UGGT2: variants seen among roughly 807,000 people sequenced by gnomAD.
UGGT2 encodes UDP-glucose glycoprotein glucosyltransferase 2.
UGGT2 carries 180 observed loss-of-function variants against 192.1 expected under a neutral mutation model. The observed-to-expected ratio is 0.94, with a 90% CI of 0.83 to 1.06. The LOEUF is 1.06. Among genes scored for constraint, UGGT2 ranks in the 50% least tolerant of loss-of-function variants. The probability of loss-of-function intolerance (pLI) is 0.00; values close to 1 mark genes in which losing one functional copy is unlikely to be tolerated. For missense variants in UGGT2, 1,849 were observed against 1,795.7 expected (o/e 1.03, Z -0.54); for synonymous variants, 580 against 591.0 (o/e 0.98, Z 0.27).
At chr13:96,038,032 CT>C (rs1463951546) in intron 1 of UGGT2, among the ~76,000 whole-genome samples, 1 of 152,142 alleles carries the variant, frequency 6.6e-6, no homozygotes, top group Non-Finnish European at 1.5e-5. Context: ...AATAAAGGAC[CT>C]CCTACAATTT....
intron 18 of UGGT2, 21 bp from the exon 19 acceptor site, chr13:95,927,147 C>T (rs376569290): frequency 9.4e-6 from 15 of 1,604,246 alleles, no homozygotes; most frequent in South Asian, 2.2e-5. Flanking sequence ...TCAAATTAAA[C>T]GTTAAATATA....
intron 6 of UGGT2, 83 bp from the exon 7 acceptor site, chr13:95,996,218 T>A: frequency 7.7e-7 from 1 of 1,301,834 alleles, no homozygotes; most frequent in Non-Finnish European, 1.1e-6. Context: ...TTAGAAGAAC[T>A]TGGCCAGGTG....
intron 29 of UGGT2, among the ~76,000 whole-genome samples, chr13:95,867,910 A>G (rs1402142040): frequency 3.3e-5 from 5 of 152,210 alleles, no homozygotes; most frequent in African/African-American, 7.2e-5. Context: ...AAATGTGTCT[A>G]TGATGTCCAT....
chr13:95,984,026 G>C (rs1194000784), intron 9 of UGGT2, among the ~76,000 whole-genome samples, 162 bp from the exon 10 acceptor site: 1 of 152,102 alleles, frequency 6.6e-6, no homozygotes, highest in Admixed American at 6.6e-5. Flanking sequence ...GCTTTCATTT[G>C]ACAAAAGTAT....
At chr13:95,965,599 G>T (rs1254757376) in intron 12 of UGGT2, among the ~76,000 whole-genome samples, 2 of 126,272 alleles carry the variant, frequency 1.6e-5, no homozygotes, top group African/African-American at 5.9e-5. Flanking sequence ...TTGTGGGGTG[G>T]GGGGAGGGGG....
chr13:95,874,202 T>C (rs568293187), intron 29 of UGGT2, among the ~76,000 whole-genome samples: 1 of 152,284 alleles, frequency 6.6e-6, no homozygotes, highest in African/African-American at 2.4e-5. Context: ...AAAGGAGACA[T>C]GCAGTAGTAC....
At chr13:96,046,765 T>C (rs1170064193) in intron 1 of UGGT2, among the ~76,000 whole-genome samples, 5 of 152,214 alleles carry the variant, frequency 3.3e-5, no homozygotes, top group Admixed American at 3.3e-4. Context: ...GGGTCACTCC[T>C]ACCCTAATAC....
intron 25 of UGGT2, among the ~76,000 whole-genome samples, chr13:95,889,848 G>A (rs117839970): frequency 0.044 from 6,723 of 152,276 alleles, 216 homozygotes; most frequent in Middle Eastern, 0.092. Context: ...TCAGTGAGAA[G>A]TGATAGGACA....
chr13:95,812,711 C>A (rs1566534487), intron 38 of UGGT2, among the ~76,000 whole-genome samples: 1 of 151,852 alleles, frequency 6.6e-6, no homozygotes, highest in Non-Finnish European at 1.5e-5. Flanking sequence ...ATAGTGAGTT[C>A]TCATAAGATC....
At chr13:95,931,933 C>T (rs1027073956) in intron 17 of UGGT2, among the ~76,000 whole-genome samples, 9 of 152,166 alleles carry the variant, frequency 5.9e-5, no homozygotes, top group Non-Finnish European at 1.2e-4. Context: ...CCAGAGCGGA[C>T]GCCGAGGGCA....
chr13:96,004,782 A>G (rs1202535364), intron 5 of UGGT2, among the ~76,000 whole-genome samples: 2 of 152,154 alleles, frequency 1.3e-5, no homozygotes, highest in East Asian at 1.9e-4. Flanking sequence ...AAGGAAAAAT[A>G]ATTTTATAAG....
intron 36 of UGGT2, among the ~76,000 whole-genome samples, chr13:95,852,852 TGAGA>T (rs1011869131): frequency 2.6e-5 from 4 of 151,930 alleles, no homozygotes; most frequent in Admixed American, 1.3e-4. Context: ...GTCTTAAAGA[TGAGA>T]GAGAGAGACT....
intron 16 of UGGT2, among the ~76,000 whole-genome samples, chr13:95,939,465 T>C (rs1462427761): frequency 6.7e-5 from 10 of 148,866 alleles, no homozygotes; most frequent in African/African-American, 2.5e-4. Context: ...AAAATTTCTT[T>C]GAGTTGTTGC....
Position 95,877,329 on chromosome 13 carries a change from C to T in UGGT2, c.3423G>A (p.Trp1141Ter), listed in dbSNP as rs200544724. Reference sequence around the variant, plus strand: ...ATTTTCCTTGGTGTAACCTCAGTATCCAAGCACCTGGGTTTGCTTTTAATT... The same window carrying T: ...ATTTTCCTTGGTGTAACCTCAGTATTCAAGCACCTGGGTTTGCTTTTAATT... Reference protein sequence around the residue: ...YFQLKANPGAWILRLHQGKSE... With the variant: ...YFQLKANPGA The change falls in exon 29 of 39, where the codon TGG becomes TGA. Residue 1141 changes from tryptophan (W) to a stop codon, truncating the protein, a stop_gained. Coordinates refer to ENST00000376747, the MANE Select transcript of UGGT2 (RefSeq NM_020121.4). LOFTEE classifies it high-confidence loss of function. 5.3e-5 allele frequency: 86 copies of T among 1,607,956 alleles called. No individual in the cohort carries two copies. Among genetic ancestry groups the T allele is most frequent in the Non-Finnish European group, 7.0e-5 (82 of 1,177,794 alleles).
chr13:95,965,241 G>T (rs1425981078), intron 12 of UGGT2, among the ~76,000 whole-genome samples: 4 of 150,648 alleles, frequency 2.7e-5, no homozygotes, highest in Non-Finnish European at 5.9e-5. Context: ...CCATTACTGG[G>T]TATATACCCA....
At chr13:96,050,790 T>A (rs1163799118) in intron 1 of UGGT2, among the ~76,000 whole-genome samples, 2 of 152,192 alleles carry the variant, frequency 1.3e-5, no homozygotes, top group Non-Finnish European at 2.9e-5. Context: ...AGATACCATC[T>A]CACACCAGTT....
At chr13:95,896,975 GTC>G (rs1223783219) in intron 22 of UGGT2, among the ~76,000 whole-genome samples, 2 of 152,064 alleles carry the variant, frequency 1.3e-5, no homozygotes, top group African/African-American at 4.8e-5. Context: ...AGCTAAAAAT[GTC>G]TCTCTACTCA....
In UGGT2 at chr13:95,860,784, C is replaced by T; in HGVS notation, c.3740+4G>A. ...CAAAATATAAGGTTAAAAAATATAC[C>T]TACCTTAAAAAACGTTCATATAAAT... On this transcript the variant is annotated splice_donor_region_variant and intron_variant, in intron 32 of 38. Transcript: ENST00000376747. 1.4e-6 allele frequency: 2 copies of T among 1,472,840 alleles called. No individual in the cohort carries two copies. The highest frequency in any genetic ancestry group is 1.8e-6 in the Non-Finnish European group (2 of 1,103,756). 91.2% of individuals were successfully genotyped at this position (1,472,840 alleles called of 1,614,324 possible).
intron 38 of UGGT2, among the ~76,000 whole-genome samples, chr13:95,828,696 A>T (rs188066430): frequency 6.6e-6 from 1 of 152,294 alleles, no homozygotes; most frequent in East Asian, 1.9e-4. Context: ...AACCAAAAAA[A>T]ACTCCAGGAC....
Sources: gnomAD v4.1 joint callset for allele counts (sites outside exome capture counted in the v4.1 genomes callset) on GRCh38, gnomAD v4.1.1 for gene constraint, MANE v1.5 for transcripts, NCBI Gene and HGNC (gene_info 2026-07-23, HGNC 2026-07-21) for gene names.